PAPLN: variants seen among roughly 807,000 people sequenced by gnomAD.
PAPLN encodes papilin, proteoglycan like sulfated glycoprotein.
Under a neutral mutation model 159.0 loss-of-function variants are expected in PAPLN, and 146 were observed. The observed-to-expected ratio is 0.92, with a 90% CI of 0.80 to 1.05. PAPLN has a LOEUF of 1.05. Ranked by LOEUF, PAPLN falls within the 50% of genes least tolerant of loss-of-function variation. The pLI, the probability that PAPLN is intolerant of heterozygous loss-of-function variation, is 0.00. For missense variants in PAPLN, 1,720 were observed against 1,743.9 expected, an observed-to-expected ratio of 0.99 and a Z score of 0.24; for synonymous variants, 734 against 702.9, an observed-to-expected ratio of 1.04 and a Z score of -0.70.
At position 73,264,235 on chromosome 14, in the gene PAPLN, CCT is replaced by C. The variant is rs962209334; in HGVS notation, c.2887_2888del (p.Leu963AspfsTer35). ...DRHRLQFDGSLIIHPLQAEDA... is the reference protein window; with the variant it reads ...DRHRLQFDGSXIIHPLQAEDA... ...GGCACAGGCTGCAGTTCGACGGATC[CCT>C]GATCATCCACCCCCTGCAGGCAGAG... On this transcript the variant is annotated frameshift_variant, in exon 21 of 27. Coordinates refer to ENST00000644200, the MANE Select transcript of PAPLN (RefSeq NM_001365906.3). LOFTEE classifies it high-confidence loss of function. 2 of 1,613,872 alleles carry C rather than the reference CCT, an allele frequency of 1.2e-6. No individual in the cohort carries two copies. Among genetic ancestry groups the C allele is most frequent in the African/African-American group, 2.7e-5 (2 of 74,912 alleles).
At chr14:73,247,943 A>C (rs1594787897) in intron 5 of PAPLN, among the ~76,000 whole-genome samples, 1 of 48,490 alleles carries the variant, frequency 2.1e-5, no homozygotes, top group Non-Finnish European at 3.8e-5. Flanking sequence ...TGTTGTGGGG[A>C]CCGTGGCTGT....
At position 73,245,688 on chromosome 14, in the gene PAPLN, C is replaced by T; in HGVS notation, c.223C>T (p.Arg75Cys). 1 of 1,550,980 alleles carries T rather than the reference C, an allele frequency of 6.4e-7. No homozygotes were observed. Among genetic ancestry groups the T allele is most frequent in the African/African-American group, 1.4e-5 (1 of 73,668 alleles). Residue 75 changes from arginine to cysteine, a missense_variant, in exon 4 of 27, where the codon CGC (arginine) becomes TGC (cysteine). By Grantham distance (180) the Arg-to-Cys change is radical (BLOSUM62 -3). Transcript: ENST00000644200. This position sits in a 1 kb window ranked among gnomAD's most constrained non-coding sequence, Gnocchi z 4.2. ...CCCCGCCCGGAGCCACCGCTCTTGT[C>T]GCACGGAGGTAAAGCTCACGGGGCG... ...VGPARSHRSC[R>C]TESCPDGARD... is the part of the protein sequence containing the mutation.
intron 26 of PAPLN, among the ~76,000 whole-genome samples, chr14:73,269,095 C>T (rs1214419531): frequency 6.6e-6 from 1 of 152,156 alleles, no homozygotes; most frequent in African/African-American, 2.4e-5. Flanking sequence ...AAAATCTGTC[C>T]ACTCTAATCC....
In PAPLN at chr14:73,262,595, A is replaced by T; in HGVS notation, c.2491A>T (p.Ser831Cys). The T allele has an allele frequency of 6.4e-7, 1 of 1,559,010 alleles. No individual in the cohort carries two copies. The highest frequency in any genetic ancestry group is 8.7e-7 in the Non-Finnish European group (1 of 1,150,162). Residue 831 changes from serine to cysteine, a missense_variant, in exon 19 of 27, where the codon AGT (serine) becomes TGT (cysteine). Coordinates refer to ENST00000644200, the MANE Select transcript of PAPLN (RefSeq NM_001365906.3). ...RSTHTDGGGSSPAGEQEPSQH... is the reference protein window; with the variant it reads ...RSTHTDGGGSCPAGEQEPSQH... ...CACCCACACGGATGGTGGCGGCAGC[A>T]GTCCTGCAGGCGAGCAGGAACCCAG...
At chr14:73,263,980 G>A (rs557900581) in intron 20 of PAPLN, 198 bp downstream of exon 20, 1 of 1,420,104 alleles carries the variant, frequency 7.0e-7, no homozygotes. Flanking sequence ...TGACAGGTGT[G>A]TGTGACAGCC....
chr14:73,263,923 C>G lies in PAPLN; in HGVS notation c.2861+141C>G. The G allele has an allele frequency of 2.7e-6, 3 of 1,113,528 alleles. No homozygotes were observed. In the East Asian group the frequency reaches 8.6e-5, roughly 32 times the overall value. The allele number at this position is 1,113,528 out of a possible 1,614,324, so 69.0% of individuals were successfully genotyped here. Reference sequence around the variant, plus strand: ...CCTTTGACAGGTGTGTGTGACAGCCCCCCTACCCCCTCTGACAGGTGTGTG... The same window carrying G: ...CCTTTGACAGGTGTGTGTGACAGCCGCCCTACCCCCTCTGACAGGTGTGTG... On this transcript the variant is annotated intron_variant, in intron 20 of 26. Transcript: ENST00000644200.
intron 5 of PAPLN, chr14:73,246,940 C>T (rs1446489661): frequency 6.6e-6 from 1 of 152,196 alleles, no homozygotes; most frequent in Non-Finnish European, 1.5e-5. Context: ...CCTGCTCCCC[C>T]CAGCACATGC....
intron 26 of PAPLN, among the ~76,000 whole-genome samples, chr14:73,270,951 G>A (rs779471705): frequency 1.3e-5 from 2 of 152,210 alleles, no homozygotes; most frequent in Non-Finnish European, 2.9e-5. Context: ...AGGCCTTGGG[G>A]TGGTCAGGCT....
intron 23 of PAPLN, 91 bp from the exon 24 acceptor site, chr14:73,266,410 G>A: frequency 6.7e-7 from 1 of 1,484,410 alleles, no homozygotes; most frequent in Non-Finnish European, 9.0e-7. Flanking sequence ...AAGACCTTGT[G>A]TTCCCTCCCT....
rs1483180780 is a variant in PAPLN at position 73,274,581 on chromosome 14, GT to G, written c.*1921del. ...GAGCATCCATGTTCACTTATGGCTG[GT>G]TTTGCTATAGAAATTGGAAAATAAA... On this transcript the variant is annotated 3_prime_UTR_variant, in exon 27 of 27. Coordinates refer to ENST00000644200, the MANE Select transcript of PAPLN (RefSeq NM_001365906.3). 1 of 152,152 alleles carries G rather than the reference GT, an allele frequency of 6.6e-6. No individual in the cohort carries two copies. The highest frequency in any genetic ancestry group is 2.4e-5 in the African/African-American group (1 of 41,430). The allele number at this position is 152,152 out of a possible 1,614,324, so 9.4% of individuals were successfully genotyped here. A position where few individuals can be genotyped will look rare whatever the true frequency, so the allele number is the denominator to read the frequency against.
intron 14 of PAPLN, among the ~76,000 whole-genome samples, chr14:73,255,760 A>G (rs1214468223): frequency 6.6e-6 from 1 of 152,110 alleles, no homozygotes; most frequent in Non-Finnish European, 1.5e-5. Context: ...AGGGACCTTG[A>G]GATGAAGGAA....
chr14:73,253,736 G>C lies in PAPLN; in HGVS notation c.1095-18G>C, dbSNP rs1340593034. 1 of 1,579,980 alleles carries C rather than the reference G, an allele frequency of 6.3e-7. No individual in the cohort carries two copies. The highest frequency in any genetic ancestry group is 1.2e-5 in the South Asian group (1 of 86,654). On this transcript the variant is annotated intron_variant, in intron 11 of 26. Transcript: ENST00000644200. Reference sequence around the variant, plus strand: ...CCATGCTCCTGGGCCAGCCTTACCTGATTCCCCCTCCTGCCAGCTGGAAGG... The same window carrying C: ...CCATGCTCCTGGGCCAGCCTTACCTCATTCCCCCTCCTGCCAGCTGGAAGG...
chr14:73,268,517 G>C, intron 25 of PAPLN, 40 bp from the exon 26 acceptor site: 1 of 1,583,986 alleles, frequency 6.3e-7, no homozygotes, highest in Non-Finnish European at 8.6e-7. Context: ...CAGACCTCCA[G>C]AGGCCCTTGA....
chr14:73,263,361 G>A (rs547286705), intron 19 of PAPLN: 16 of 536,184 alleles, frequency 3.0e-5, no homozygotes, highest in Admixed American at 1.3e-4. Flanking sequence ...GGTGTGTGCC[G>A]TCCCTCCCGA....
chr14:73,262,579 G>A lies in PAPLN; in HGVS notation c.2475G>A (p.Thr825=), dbSNP rs374395910. The change falls in exon 19 of 27, where the codon ACG becomes ACA. Residue 825 remains threonine, a synonymous_variant. Transcript: ENST00000644200. ...QPGASGRSTH[T]DGGGSSPAGE... is the part of the protein sequence containing the mutation. ...GGGCTTCTGGAAGGAGCACCCACAC[G>A]GATGGTGGCGGCAGCAGTCCTGCAG... 99 of 1,562,890 alleles carry A rather than the reference G, an allele frequency of 6.3e-5. No homozygotes were observed. The highest frequency in any genetic ancestry group is 2.1e-4 in the Admixed American group (11 of 52,374).
intron 16 of PAPLN, among the ~76,000 whole-genome samples, chr14:73,260,312 G>A (rs909813280): frequency 1.3e-5 from 2 of 152,176 alleles, no homozygotes; most frequent in African/African-American, 2.4e-5. Context: ...TGGGTGTGGA[G>A]TAAATGGTGG....
chr14:73,266,322 A>C (rs191231659), intron 23 of PAPLN, among the ~76,000 whole-genome samples, 179 bp from the exon 24 acceptor site: 2 of 152,276 alleles, frequency 1.3e-5, no homozygotes, highest in African/African-American at 4.8e-5. Flanking sequence ...CTGCAGGTGT[A>C]AAGTCTGAGG....
chr14:73,265,337 G>T lies in PAPLN; in HGVS notation c.3126-33G>T, dbSNP rs760345611. The stretch of plus-strand genomic sequence containing the variant: ...GGGAGTAGGCGGGGGCAACGGCAAG[G>T]GCCCCTCATGCTGTGGGCTGCTTGT... On this transcript the variant is annotated intron_variant, in intron 22 of 26. Coordinates refer to ENST00000644200, the MANE Select transcript of PAPLN (RefSeq NM_001365906.3). This position sits in a 1 kb window ranked among gnomAD's most constrained non-coding sequence, Gnocchi z 4.1. 6.3e-7 allele frequency: 1 copy of T among 1,598,402 alleles called. No homozygotes were observed.
intron 19 of PAPLN, 52 bp downstream of exon 19, chr14:73,262,879 A>C: frequency 7.3e-7 from 1 of 1,375,828 alleles, no homozygotes; most frequent in South Asian, 2.0e-5. Context: ...GACAAGGAGC[A>C]TGCCAGTTGG....
Sources: allele counts gnomAD v4.1 joint callset (sites outside exome capture counted in the v4.1 genomes callset), GRCh38; gene constraint gnomAD v4.1.1; non-coding constraint Gnocchi (gnomAD v3.1); transcripts MANE v1.5; gene names NCBI Gene and HGNC (gene_info 2026-07-23, HGNC 2026-07-21).